GLIS3: variants seen among roughly 807,000 people sequenced by gnomAD.
GLIS3 encodes GLIS family zinc finger 3.
Under a neutral mutation model 78.6 loss-of-function variants are expected in GLIS3, and 53 were observed. That is an observed-to-expected ratio of 0.67 (90% CI 0.54 to 0.85). The LOEUF (loss-of-function observed/expected upper bound fraction) is 0.85. Among genes scored for constraint, GLIS3 ranks in the 40% least tolerant of loss-of-function variants. The pLI is 0.00. For missense variants in GLIS3, 1,703 were observed against 1,231.1 expected (o/e 1.38, Z -5.74); for synonymous variants, 684 against 509.9 (o/e 1.34, Z -4.60).
At chr9:4,116,985 G>T (rs1253045187) in intron 4 of GLIS3, among the ~76,000 whole-genome samples, 1 of 152,276 alleles carries the variant, frequency 6.6e-6, no homozygotes, top group East Asian at 1.9e-4. Context: ...AACCATTTAA[G>T]AATCGTATTA....
At chr9:4,252,724 G>A (rs1381374194) in intron 2 of GLIS3, among the ~76,000 whole-genome samples, 1 of 152,142 alleles carries the variant, frequency 6.6e-6, no homozygotes, top group Non-Finnish European at 1.5e-5. Flanking sequence ...TTTTTGTGCT[G>A]GATTTCCCTC....
At chr9:3,936,910 G>C (rs1327794199) in intron 5 of GLIS3, 118 bp downstream of exon 5, 32 of 1,373,772 alleles carry the variant, frequency 2.3e-5, no homozygotes, top group Non-Finnish European at 3.3e-5. Context: ...TGCTGCCCTT[G>C]GCATTGTCCC....
intron 2 of GLIS3, among the ~76,000 whole-genome samples, chr9:4,244,333 G>A (rs1823597241): frequency 6.6e-6 from 1 of 152,156 alleles, no homozygotes; most frequent in African/African-American, 2.4e-5. Flanking sequence ...AATTGACTTG[G>A]ATACTTACCA....
chr9:4,087,894 C>T (rs1243243788), intron 4 of GLIS3, among the ~76,000 whole-genome samples: 1 of 152,166 alleles, frequency 6.6e-6, no homozygotes, highest in Non-Finnish European at 1.5e-5. Flanking sequence ...TTATCCATAC[C>T]TTGGTTACCT....
intron 2 of GLIS3, among the ~76,000 whole-genome samples, chr9:4,147,122 T>C (rs761990287): frequency 4.3e-4 from 65 of 152,314 alleles, no homozygotes; most frequent in Middle Eastern, 3.4e-3. Context: ...AAATTGAACA[T>C]TATGCAGGCA....
the GLIS3 span, among the ~76,000 whole-genome samples, chr9:4,383,684 A>G: frequency 6.6e-6 from 1 of 152,228 alleles, no homozygotes; most frequent in African/African-American, 2.4e-5. Context: ...GAAGTCTCCA[A>G]AAGTCCCCTA....
At chr9:4,008,480 C>A (rs1036441926) in intron 4 of GLIS3, among the ~76,000 whole-genome samples, 2 of 152,164 alleles carry the variant, frequency 1.3e-5, no homozygotes, top group Admixed American at 6.5e-5. Context: ...CCTACTAAGA[C>A]CCCTAGGTAA....
At chr9:4,043,315 T>A (rs904127437) in intron 4 of GLIS3, among the ~76,000 whole-genome samples, 3 of 152,176 alleles carry the variant, frequency 2.0e-5, no homozygotes, top group African/African-American at 7.2e-5. Flanking sequence ...GAAATCCAGT[T>A]TTCTTAGTTT....
intron 2 of GLIS3, among the ~76,000 whole-genome samples, chr9:4,333,495 T>C (rs1817713818): frequency 1.3e-5 from 2 of 152,326 alleles, no homozygotes; most frequent in Middle Eastern, 6.8e-3. Flanking sequence ...TCTAGTCTTC[T>C]GAGTGGTTAA....
chr9:4,325,196 G>C (rs1563933408), intron 2 of GLIS3, among the ~76,000 whole-genome samples: 1 of 152,140 alleles, frequency 6.6e-6, no homozygotes, highest in South Asian at 2.1e-4. Context: ...AGTTTTCCAA[G>C]CTGCAAATAC....
the GLIS3 span, among the ~76,000 whole-genome samples, chr9:4,449,191 C>G: frequency 1.2e-4 from 19 of 152,190 alleles, 1 homozygote; most frequent in African/African-American, 3.6e-4. Flanking sequence ...TTGGCGGATC[C>G]CAAGCCCACA....
At chr9:4,029,579 C>G (rs1022965812) in intron 4 of GLIS3, among the ~76,000 whole-genome samples, 5 of 152,174 alleles carry the variant, frequency 3.3e-5, no homozygotes, top group Admixed American at 6.5e-5. Context: ...CTAACCATCC[C>G]TGCCTGTCCC....
At chr9:4,153,739 G>C (rs1564125307) in intron 2 of GLIS3, among the ~76,000 whole-genome samples, 1 of 152,184 alleles carries the variant, frequency 6.6e-6, no homozygotes, top group Non-Finnish European at 1.5e-5. Context: ...GTTTATTATA[G>C]TTTGGAAAGA....
chr9:4,259,246 TTTATTTA>T, intron 2 of GLIS3, among the ~76,000 whole-genome samples: 1 of 151,348 alleles, frequency 6.6e-6, no homozygotes, highest in Non-Finnish European at 1.5e-5. Flanking sequence ...GCTCATTTCA[TTTATTTA>T]TTTATTTATT....
At chr9:3,852,786 C>T (rs1245246934) in intron 9 of GLIS3, among the ~76,000 whole-genome samples, 4 of 152,234 alleles carry the variant, frequency 2.6e-5, no homozygotes, top group African/African-American at 9.6e-5. Context: ...CTCATTGCAA[C>T]AGTCACTGGC....
the GLIS3 span, among the ~76,000 whole-genome samples, chr9:4,382,875 G>GT: frequency 2.0e-5 from 3 of 152,134 alleles, no homozygotes; most frequent in African/African-American, 7.2e-5. Context: ...AGATTCCCAG[G>GT]AAGACCAGCT....
chr9:4,466,125 C>T, the GLIS3 span, among the ~76,000 whole-genome samples: 1 of 152,084 alleles, frequency 6.6e-6, no homozygotes, highest in Non-Finnish European at 1.5e-5. Context: ...AAAGAAAAGG[C>T]ATCAGTGCAG....
intron 1 of GLIS3, chr9:4,298,635 G>A (rs1563919594): frequency 4.5e-6 from 1 of 221,626 alleles, no homozygotes; most frequent in Admixed American, 5.6e-5. Context: ...ACGTCTCCGA[G>A]ACTGAGACAT....
chr9:4,300,220 A>T (rs1298622626), upstream of GLIS3, among the ~76,000 whole-genome samples: 1 of 150,524 alleles, frequency 6.6e-6, no homozygotes, highest in African/African-American at 2.4e-5. Context: ...ACACACACAC[A>T]CACACACACA....
Sources: gnomAD v4.1 joint callset for allele counts (sites outside exome capture counted in the v4.1 genomes callset) on GRCh38, gnomAD v4.1.1 for gene constraint, MANE v1.5 for transcripts, NCBI Gene and HGNC (gene_info 2026-07-23, HGNC 2026-07-21) for gene names.